DSCAM: variants seen among roughly 807,000 people sequenced by gnomAD.
DSCAM encodes DS cell adhesion molecule.
In DSCAM, 47 loss-of-function variants were observed where a neutral mutation model predicts 217.7. The ratio of observed to expected loss-of-function variants is 0.22; its 90% CI spans 0.17 to 0.28. DSCAM has a LOEUF of 0.28. Among genes scored for constraint, DSCAM ranks in the 10% least tolerant of loss-of-function variants. The probability of loss-of-function intolerance (pLI) is 1.00; values close to 1 mark genes in which losing one functional copy is unlikely to be tolerated. For synonymous variants in DSCAM, 1,056 were observed against 1,015.3 expected, an observed-to-expected ratio of 1.04 and a Z score of -0.76; for missense variants, 2,080 against 2,618.3, an observed-to-expected ratio of 0.79 and a Z score of 4.49.
intron 2 of DSCAM, among the ~76,000 whole-genome samples, chr21:40,701,016 G>A (rs1418451364): frequency 6.6e-6 from 1 of 152,048 alleles, no homozygotes; most frequent in East Asian, 1.9e-4. Context: ...GGGATTACAG[G>A]CATGAGCCAC....
At chr21:40,017,665 C>T (rs1025298884) in intron 32 of DSCAM, among the ~76,000 whole-genome samples, 4 of 152,242 alleles carry the variant, frequency 2.6e-5, no homozygotes, top group Non-Finnish European at 4.4e-5. Context: ...GATTCTCCCC[C>T]CTCAGCCTCC....
intron 10 of DSCAM, among the ~76,000 whole-genome samples, chr21:40,284,632 C>T (rs1265935500): frequency 6.6e-6 from 1 of 152,196 alleles, no homozygotes; most frequent in East Asian, 1.9e-4. Context: ...TGTGGGAGAA[C>T]TACAAATCAC....
chr21:40,300,038 T>C (rs1184881316), intron 9 of DSCAM, among the ~76,000 whole-genome samples: 4 of 152,052 alleles, frequency 2.6e-5, no homozygotes, highest in South Asian at 4.2e-4. Context: ...AATTCTTACT[T>C]TGCTTGCTTA....
intron 16 of DSCAM, among the ~76,000 whole-genome samples, chr21:40,160,911 C>T (rs1170323388): frequency 6.6e-6 from 1 of 152,224 alleles, no homozygotes; most frequent in African/African-American, 2.4e-5. Flanking sequence ...GGCCTTGGTC[C>T]TAAGCCTTAG....
chr21:40,663,751 A>G (rs940474322), intron 3 of DSCAM, among the ~76,000 whole-genome samples: 2 of 152,146 alleles, frequency 1.3e-5, no homozygotes, highest in African/African-American at 4.8e-5. Flanking sequence ...GTACTCCAAG[A>G]GCAGTAAGAC....
At chr21:40,147,421 C>T (rs2090370123) in intron 16 of DSCAM, among the ~76,000 whole-genome samples, 1 of 152,158 alleles carries the variant, frequency 6.6e-6, no homozygotes, top group African/African-American at 2.4e-5. Flanking sequence ...CTATAATAGA[C>T]AACGCAGGTG....
At chr21:40,614,692 T>G (rs1320748814) in intron 3 of DSCAM, among the ~76,000 whole-genome samples, 1 of 152,192 alleles carries the variant, frequency 6.6e-6, no homozygotes. Flanking sequence ...AACAGTTGTA[T>G]GTCCAGTAAC....
At position 40,525,009 on chromosome 21, in the gene DSCAM, C is replaced by CAAAAAAAAAAAA. The variant is rs58427418; in HGVS notation, c.509-155776_509-155765dup. 3.7e-3 allele frequency among the ~76,000 whole-genome samples: 208 copies of CAAAAAAAAAAAA among 56,080 alleles called. 9 individuals carry two copies. Among genetic ancestry groups the CAAAAAAAAAAAA allele is most frequent in the African/African-American group, 9.2e-3 (157 of 17,098 alleles). The allele number at this position is 56,080 out of a possible 152,430, so 36.8% of individuals were successfully genotyped here. On this transcript the variant is annotated intron_variant, in intron 3 of 32. Transcript: ENST00000400454. ...TGGGCAACAGAGTGAGACTCAGTCT[C>CAAAAAAAAAAAA]AAAAAAAAAAAAAAAAAAAAAATCC...
In DSCAM at chr21:40,121,244, C is replaced by CA. The variant is rs2146662124; in HGVS notation, c.3696+2950dup. 2.0e-5 allele frequency among the ~76,000 whole-genome samples: 3 copies of CA among 151,888 alleles called. No homozygotes were observed. In the South Asian group the frequency reaches 6.2e-4, roughly 31 times the overall value. On this transcript the variant is annotated intron_variant, in intron 20 of 32. Transcript: ENST00000400454. ...AGAAACTGATGAAAACAAAACAAAACAAAAAAACACCCTCTTTCCTGTACT... is the reference window on the plus strand; with the variant it reads ...AGAAACTGATGAAAACAAAACAAAACAAAAAAAACACCCTCTTTCCTGTACT...
intron 11 of DSCAM, among the ~76,000 whole-genome samples, chr21:40,272,400 T>C (rs1372176486): frequency 1.3e-5 from 2 of 152,236 alleles, no homozygotes; most frequent in Non-Finnish European, 2.9e-5. Context: ...CATTGATTGC[T>C]TTCCATGACA....
intron 10 of DSCAM, among the ~76,000 whole-genome samples, chr21:40,283,013 C>G (rs1223526904): frequency 1.3e-5 from 2 of 152,198 alleles, no homozygotes; most frequent in Admixed American, 6.5e-5. Flanking sequence ...GTTATTGCAT[C>G]TGAAGATCTA....
At position 40,038,195 on chromosome 21, in the gene DSCAM, C is replaced by T. The variant is rs1359578535; in HGVS notation, c.5686+4176G>A. ...ATCTAATTAAACTAAAGAGTTTCTG[C>T]ACAGCAAAAGAAACTACCATCAGAG... On this transcript the variant is annotated intron_variant, in intron 32 of 32. Coordinates refer to ENST00000400454, the MANE Select transcript of DSCAM (RefSeq NM_001389.5). 2.6e-3 allele frequency among the ~76,000 whole-genome samples: 361 copies of T among 138,962 alleles called. 1 individual carries two copies. The highest frequency in any genetic ancestry group is 9.5e-3 in the African/African-American group (351 of 36,960). 91.2% of individuals were successfully genotyped at this position (138,962 alleles called of 152,430 possible). A position where few individuals can be genotyped will look rare whatever the true frequency, so the allele number is the denominator to read the frequency against.
chr21:40,428,647 C>T (rs895809427), intron 3 of DSCAM, among the ~76,000 whole-genome samples: 2 of 152,068 alleles, frequency 1.3e-5, no homozygotes, highest in Admixed American at 1.3e-4. Flanking sequence ...AAAAACTAAA[C>T]GAGAAGGCAG....
chr21:40,507,820 C>T (rs1277323494), intron 3 of DSCAM, among the ~76,000 whole-genome samples: 1 of 152,074 alleles, frequency 6.6e-6, no homozygotes, highest in Non-Finnish European at 1.5e-5. Context: ...AAATAACTTA[C>T]ATTCACAGGA....
chr21:40,795,104 G>A (rs2091679929), intron 1 of DSCAM, among the ~76,000 whole-genome samples: 1 of 150,864 alleles, frequency 6.6e-6, no homozygotes, highest in African/African-American at 2.4e-5. Flanking sequence ...TCTGTGTCTT[G>A]TTATACTATT....
rs71186936 is a variant in DSCAM, at chr21:40,428,234, TTGTGTGTGTGTGTGTGTGTGTGTG to T, written c.509-59013_509-58990del. Among the ~76,000 whole-genome samples the T allele has an allele frequency of 8.3e-3, 1,076 of 129,346 alleles. 10 individuals carry two copies. Among genetic ancestry groups the T allele is most frequent in the African/African-American group, 0.016 (533 of 33,212 alleles). The allele number at this position is 129,346 out of a possible 152,430, so 84.9% of individuals were successfully genotyped here. On this transcript the variant is annotated intron_variant, in intron 3 of 32. Coordinates refer to ENST00000400454, the MANE Select transcript of DSCAM (RefSeq NM_001389.5). ...CTGTGTGACCATGAGGGCAAATACT[TTGTGTGTGTGTGTGTGTGTGTGTG>T]TGTGTGTGTGTGTGTGTGTGTGTGT...
chr21:40,486,204 C>G (rs780478971), intron 3 of DSCAM, among the ~76,000 whole-genome samples: 5 of 152,210 alleles, frequency 3.3e-5, no homozygotes, highest in Non-Finnish European at 7.3e-5. Context: ...CAACAAAGCA[C>G]ATGAAATGCA....
At chr21:40,789,035 T>C (rs930756602) in intron 1 of DSCAM, among the ~76,000 whole-genome samples, 1 of 152,132 alleles carries the variant, frequency 6.6e-6, no homozygotes, top group Non-Finnish European at 1.5e-5. Context: ...ATAGTCGGTA[T>C]TCATTATGCT....
At chr21:40,537,429 C>T (rs1352209516) in intron 3 of DSCAM, among the ~76,000 whole-genome samples, 2 of 152,120 alleles carry the variant, frequency 1.3e-5, no homozygotes, top group Non-Finnish European at 2.9e-5. Flanking sequence ...TTTGTGACAT[C>T]TAATGCCTCA....
Sources: gnomAD v4.1 joint callset for allele counts (sites outside exome capture counted in the v4.1 genomes callset) on GRCh38, gnomAD v4.1.1 for gene constraint, MANE v1.5 for transcripts, NCBI Gene and HGNC (gene_info 2026-07-23, HGNC 2026-07-21) for gene names.